GRIK3: variants seen among roughly 807,000 people sequenced by gnomAD.
The protein encoded by GRIK3 is glutamate receptor ionotropic, kainate 3.
Under a neutral mutation model 102.5 loss-of-function variants are expected in GRIK3, and 29 were observed. The ratio of observed to expected loss-of-function variants is 0.28; its 90% confidence interval spans 0.21 to 0.39. The LOEUF (loss-of-function observed/expected upper bound fraction) is 0.39. Ranked by LOEUF, GRIK3 falls within the 10% of genes least tolerant of loss-of-function variation. The pLI is 1.00. For missense variants in GRIK3, 908 were observed against 1,252.4 expected (o/e 0.73, Z 4.15); for synonymous variants, 511 against 504.9 (o/e 1.01, Z -0.16).
intron 1 of GRIK3, among the ~76,000 whole-genome samples, chr1:37,000,752 C>T (rs1371699536): frequency 6.6e-6 from 1 of 152,194 alleles, no homozygotes; most frequent in Non-Finnish European, 1.5e-5. Flanking sequence ...AGTCTCCTTT[C>T]CCTTAGGCAG....
At chr1:36,934,091 G>A (rs1396824839) in intron 1 of GRIK3, among the ~76,000 whole-genome samples, 2 of 152,198 alleles carry the variant, frequency 1.3e-5, no homozygotes, top group African/African-American at 4.8e-5. Context: ...TGTCTCTTCT[G>A]TCTGAGGGTG....
At chr1:36,989,215 T>C (rs1642338885) in intron 1 of GRIK3, among the ~76,000 whole-genome samples, 1 of 152,082 alleles carries the variant, frequency 6.6e-6, no homozygotes, top group South Asian at 2.1e-4. Flanking sequence ...CGCATGCACA[T>C]AACTGAAGAG....
intron 1 of GRIK3, among the ~76,000 whole-genome samples, chr1:36,942,212 C>T (rs1009358947): frequency 1.3e-5 from 2 of 152,190 alleles, no homozygotes; most frequent in Admixed American, 6.5e-5. Flanking sequence ...AATTCTCCGT[C>T]GAGCAGGTCT....
At chr1:36,840,242 C>G (rs1348975346) in intron 10 of GRIK3, among the ~76,000 whole-genome samples, 1 of 151,906 alleles carries the variant, frequency 6.6e-6, no homozygotes, top group African/African-American at 2.4e-5. Flanking sequence ...TCTAAGGGGT[C>G]CAGTATGGAT....
At chr1:36,856,116 T>C (rs1267800370) in intron 7 of GRIK3, among the ~76,000 whole-genome samples, 2 of 152,220 alleles carry the variant, frequency 1.3e-5, no homozygotes, top group Non-Finnish European at 2.9e-5. Context: ...AGCCACTGTT[T>C]ATGACTTCAC....
chr1:36,911,879 G>A (rs1641349125), intron 1 of GRIK3, among the ~76,000 whole-genome samples: 1 of 152,176 alleles, frequency 6.6e-6, no homozygotes, highest in Middle Eastern at 3.4e-3. Flanking sequence ...GCCACCATGC[G>A]GGCCTCCCCC....
At chr1:36,914,824 T>TA (rs55672314) in intron 1 of GRIK3, among the ~76,000 whole-genome samples, 1,585 of 152,336 alleles carry the variant, frequency 0.01, 16 homozygotes, top group Admixed American at 0.016. Flanking sequence ...ATTACTCCAC[T>TA]AGACTCTCAT....
chr1:36,982,491 G>T (rs1042433390), intron 1 of GRIK3, among the ~76,000 whole-genome samples: 3 of 152,206 alleles, frequency 2.0e-5, no homozygotes, highest in African/African-American at 7.2e-5. Context: ...CCACTAGGAG[G>T]CTGGTTAGGA....
rs1016071237 is a variant in GRIK3, at chr1:36,806,471, ATAGAAATT to A, written c.2092-153_2092-146del. ...AGGAAGTGCTACACGGTGCTCAGAT[ATAGAAATT>A]GAGGCCCCGGGGCAAAGGTCCCCAA... On this transcript the variant is annotated intron_variant, in intron 13 of 15. Transcript: ENST00000373091. The surrounding 1 kb of genome is among the most constrained non-coding windows in gnomAD (Gnocchi z 4.0). 8 of 585,524 alleles carry A rather than the reference ATAGAAATT, an allele frequency of 1.4e-5. No homozygotes were observed. Among genetic ancestry groups the A allele is most frequent in the Admixed American group, 9.6e-5 (3 of 31,150 alleles). The allele number at this position is 585,524 out of a possible 1,614,324, so 36.3% of individuals were successfully genotyped here. A position where few individuals can be genotyped will look rare whatever the true frequency, so the allele number is the denominator to read the frequency against.
chr1:37,033,714 C>T (rs773629716), intron 1 of GRIK3, among the ~76,000 whole-genome samples: 26 of 152,208 alleles, frequency 1.7e-4, no homozygotes, highest in Non-Finnish European at 3.5e-4. Context: ...GACTCGGGAT[C>T]GCACTGGAAA....
intron 1 of GRIK3, among the ~76,000 whole-genome samples, chr1:37,008,896 T>G (rs1452261884): frequency 6.6e-6 from 1 of 152,130 alleles, no homozygotes; most frequent in Non-Finnish European, 1.5e-5. Context: ...TTCCAGCCCA[T>G]CTCCCTGATT....
chr1:36,963,319 C>G (rs900179713), intron 1 of GRIK3, among the ~76,000 whole-genome samples: 2 of 152,156 alleles, frequency 1.3e-5, no homozygotes, highest in South Asian at 2.1e-4. Context: ...AATAAACAAA[C>G]CCCCCGCTCA....
chr1:36,873,034 A>G (rs1640860684), intron 3 of GRIK3, among the ~76,000 whole-genome samples: 1 of 152,168 alleles, frequency 6.6e-6, no homozygotes, highest in South Asian at 2.1e-4. Context: ...CACCTCCTCC[A>G]TGAAGCCTTC....
chr1:36,891,191 G>C (rs1447872543), intron 1 of GRIK3, 95 bp from the exon 2 acceptor site: 4 of 908,940 alleles, frequency 4.4e-6, no homozygotes, highest in Non-Finnish European at 6.9e-6. Context: ...CAAGTTGCCT[G>C]CTCCCTGAAA....
At chr1:36,900,142 T>A (rs945808748) in intron 1 of GRIK3, among the ~76,000 whole-genome samples, 3 of 152,206 alleles carry the variant, frequency 2.0e-5, no homozygotes, top group African/African-American at 7.2e-5. Flanking sequence ...ATAGACCACA[T>A]TCTGTCCATA....
At chr1:36,810,473 G>A (rs981440205) in intron 13 of GRIK3, among the ~76,000 whole-genome samples, 2 of 152,160 alleles carry the variant, frequency 1.3e-5, no homozygotes, top group African/African-American at 2.4e-5. Context: ...TCAGGCTCAC[G>A]ACTTTCAATT....
intron 1 of GRIK3, among the ~76,000 whole-genome samples, chr1:36,984,183 A>G (rs1248994335): frequency 6.6e-6 from 1 of 151,990 alleles, no homozygotes; most frequent in Non-Finnish European, 1.5e-5. Context: ...CTTATGCTCT[A>G]ACACACTCAC....
In GRIK3 at chr1:36,880,617, C is replaced by G; in HGVS notation, c.550+17G>C. 1 of 1,612,910 alleles carries G rather than the reference C, an allele frequency of 6.2e-7. No homozygotes were observed. ...CCTCAACCGTTGCCCCCAGCCTAGC[C>G]AGGCCTGGCCACCCACCTGTACTGT... On this transcript the variant is annotated intron_variant, in intron 3 of 15. Transcript: ENST00000373091. This position sits in a 1 kb window ranked among gnomAD's most constrained non-coding sequence, Gnocchi z 5.4.
intron 1 of GRIK3, among the ~76,000 whole-genome samples, chr1:36,908,282 G>A (rs971684027): frequency 6.6e-6 from 1 of 152,208 alleles, no homozygotes; most frequent in African/African-American, 2.4e-5. Flanking sequence ...CATTACTGGG[G>A]GGCAGTGTCA....
Sources: allele counts gnomAD v4.1 joint callset (sites outside exome capture counted in the v4.1 genomes callset), GRCh38; gene constraint gnomAD v4.1.1; non-coding constraint Gnocchi (gnomAD v3.1); transcripts MANE v1.5; gene names NCBI Gene and HGNC (gene_info 2026-07-23, HGNC 2026-07-21).